Variants in EFCAB13 observed in about 807,000 individuals in gnomAD.
The protein encoded by EFCAB13 is EF-hand calcium-binding domain-containing protein 13.
EFCAB13 carries 91 observed loss-of-function variants against 110.2 expected under a neutral mutation model. That is an observed-to-expected ratio of 0.83 (90% CI 0.70 to 0.98). The LOEUF (loss-of-function observed/expected upper bound fraction) is 0.98, where lower values mean the gene tolerates loss of function less well. Among genes scored for constraint, EFCAB13 ranks in the 50% least tolerant of loss-of-function variants. EFCAB13 has a pLI of 0.00. For synonymous variants in EFCAB13, 323 were observed against 369.9 expected, an observed-to-expected ratio of 0.87 and a Z score of 1.45; for missense variants, 968 against 1,119.4, an observed-to-expected ratio of 0.86 and a Z score of 1.93.
At chr17:47,439,585 A>C (rs1037310726) in intron 24 of EFCAB13, among the ~76,000 whole-genome samples, 3 of 151,992 alleles carry the variant, frequency 2.0e-5, no homozygotes, top group African/African-American at 7.3e-5. Flanking sequence ...TCTTAGTTAC[A>C]CTGTAGGCAT....
At position 47,324,531 on chromosome 17, in the gene EFCAB13, C is replaced by T. The variant is rs1397474833; in HGVS notation, c.-248+8C>T. 6.6e-6 allele frequency: 1 copy of T among 152,152 alleles called. No individual in the cohort carries two copies. Among genetic ancestry groups the T allele is most frequent in the Non-Finnish European group, 1.5e-5 (1 of 68,036 alleles). 9.4% of individuals were successfully genotyped at this position (152,152 alleles called of 1,614,324 possible). A position where few individuals can be genotyped will look rare whatever the true frequency, so the allele number is the denominator to read the frequency against. On this transcript the variant is annotated splice_region_variant and intron_variant, in intron 2 of 24. Transcript: ENST00000331493. ...TTCTTGGAAGAGGTGGAGGTTCGTTCACTCGACGTTTGTTACACAAATATG... is the reference window on the plus strand; with the variant it reads ...TTCTTGGAAGAGGTGGAGGTTCGTTTACTCGACGTTTGTTACACAAATATG...
At chr17:47,375,393 T>C (rs2065609373) in intron 12 of EFCAB13, among the ~76,000 whole-genome samples, 2 of 152,072 alleles carry the variant, frequency 1.3e-5, no homozygotes, top group South Asian at 2.1e-4. Context: ...TGTGTTCAAG[T>C]GATCCTCCCA....
chr17:47,426,675 C>G (rs1032952694), intron 23 of EFCAB13, among the ~76,000 whole-genome samples: 1 of 152,090 alleles, frequency 6.6e-6, no homozygotes, highest in Non-Finnish European at 1.5e-5. Context: ...TAAAAATAAA[C>G]TTCCCTTTTA....
intron 3 of EFCAB13, among the ~76,000 whole-genome samples, chr17:47,327,747 G>C (rs190692220): frequency 6.6e-6 from 1 of 152,056 alleles, no homozygotes; most frequent in East Asian, 1.9e-4. Context: ...GAACCACTGC[G>C]CCCGGCCTAC....
At chr17:47,371,197 T>C (rs1370295089) in intron 11 of EFCAB13, among the ~76,000 whole-genome samples, 1 of 152,090 alleles carries the variant, frequency 6.6e-6, no homozygotes, top group Non-Finnish European at 1.5e-5. Flanking sequence ...CAATCTGTTA[T>C]TTCTTTGGCT....
chr17:47,351,224 C>T (rs1032093372), intron 9 of EFCAB13, among the ~76,000 whole-genome samples: 1 of 151,046 alleles, frequency 6.6e-6, no homozygotes, highest in Non-Finnish European at 1.5e-5. Context: ...TAGTTTCATC[C>T]ATGTTGCTGT....
At chr17:47,416,373 C>T (rs1904445097) in intron 23 of EFCAB13, among the ~76,000 whole-genome samples, 1 of 152,092 alleles carries the variant, frequency 6.6e-6, no homozygotes, top group Non-Finnish European at 1.5e-5. Context: ...TAGATGTAAT[C>T]ATATTGTATT....
At chr17:47,372,211 T>C (rs1033358621) in intron 11 of EFCAB13, among the ~76,000 whole-genome samples, 2 of 152,176 alleles carry the variant, frequency 1.3e-5, no homozygotes, top group Admixed American at 6.5e-5. Flanking sequence ...TCTGTTGATT[T>C]TTTTTTACTT....
rs2065342448 is a variant in EFCAB13 at position 47,335,218 on chromosome 17, T to G, written c.53T>G (p.Leu18Ter). 3 of 1,606,404 alleles carry G rather than the reference T, an allele frequency of 1.9e-6. No homozygotes were observed. The highest frequency in any genetic ancestry group is 2.5e-6 in the Non-Finnish European group (3 of 1,177,874). Residue 18 changes from leucine (L) to a stop codon, truncating the protein, a stop_gained, in exon 5 of 25, where the codon TTA becomes TGA. Transcript: ENST00000331493. LOFTEE classifies it high-confidence loss of function. ...CAGGCAGAGGAAAATATTGACTTAT[T>G]AGATGATGGCTCTAATTCTTTTGCA... Reference protein sequence around the residue: ...FCQAEENIDLLDDGSNSFATD... With the variant: ...FCQAEENIDL
intron 11 of EFCAB13, among the ~76,000 whole-genome samples, chr17:47,372,087 A>G (rs775885146): frequency 1.3e-4 from 20 of 152,170 alleles, no homozygotes; most frequent in Non-Finnish European, 5.9e-5. Flanking sequence ...ATTTACATTC[A>G]AGGTAGTTAT....
At chr17:47,423,276 T>A (rs1229612137) in intron 23 of EFCAB13, 2 of 152,174 alleles carry the variant, frequency 1.3e-5, no homozygotes, top group South Asian at 2.1e-4. Context: ...TTGGAGAAAA[T>A]ACACAATAAT....
chr17:47,345,200 A>G (rs1332515113), intron 8 of EFCAB13, 102 bp downstream of exon 8: 10 of 779,876 alleles, frequency 1.3e-5, no homozygotes, highest in Non-Finnish European at 2.1e-5. Flanking sequence ...CTAATGGCTT[A>G]TGGTATCAAC....
Position 47,377,650 on chromosome 17 carries a change from A to G in EFCAB13, c.1373-116A>G, listed in dbSNP as rs1037431447. On this transcript the variant is annotated intron_variant, in intron 12 of 24. Transcript: ENST00000331493. The stretch of plus-strand genomic sequence containing the variant: ...AGAGAAAAGCAGTCTTATAAAATCT[A>G]TAAGGTAATATAAAATAGATAAAAC... The G allele has an allele frequency of 1.8e-5, 15 of 818,866 alleles. No individual in the cohort carries two copies. The African/African-American group carries it at 2.0e-4, about 11-fold the overall frequency. 50.7% of individuals were successfully genotyped at this position (818,866 alleles called of 1,614,324 possible). A position where few individuals can be genotyped will look rare whatever the true frequency, so the allele number is the denominator to read the frequency against.
intron 10 of EFCAB13, among the ~76,000 whole-genome samples, chr17:47,362,863 C>G (rs1044183646): frequency 1.3e-5 from 2 of 152,286 alleles, no homozygotes; most frequent in South Asian, 2.1e-4. Context: ...GGCTCACACT[C>G]CTTACCCTGC....
At chr17:47,334,509 T>A (rs1406574174) in intron 4 of EFCAB13, among the ~76,000 whole-genome samples, 3 of 152,246 alleles carry the variant, frequency 2.0e-5, no homozygotes, top group South Asian at 2.1e-4. Flanking sequence ...TTAGTTTGTA[T>A]CTAAAATCGA....
At chr17:47,356,351 G>T (rs1484614686) in intron 9 of EFCAB13, among the ~76,000 whole-genome samples, 1 of 152,140 alleles carries the variant, frequency 6.6e-6, no homozygotes, top group Non-Finnish European at 1.5e-5. Context: ...GGGACTCAAG[G>T]GCTGCTGTTC....
intron 4 of EFCAB13, among the ~76,000 whole-genome samples, chr17:47,333,220 G>T (rs1280833608): frequency 6.6e-6 from 1 of 152,088 alleles, no homozygotes; most frequent in African/African-American, 2.4e-5. Flanking sequence ...CAAACCTATA[G>T]GCCATTCGTA....
chr17:47,420,288 G>C (rs1223880488), intron 23 of EFCAB13, among the ~76,000 whole-genome samples: 2 of 68,460 alleles, frequency 2.9e-5, no homozygotes, highest in African/African-American at 5.0e-5. Context: ...GCGTGATCTC[G>C]GCTCGCTACA....
chr17:47,348,583 G>A (rs535593920), intron 9 of EFCAB13, among the ~76,000 whole-genome samples: 1 of 151,050 alleles, frequency 6.6e-6, no homozygotes, highest in South Asian at 2.1e-4. Context: ...TGCTTTTTTT[G>A]TATGCTCTTG....
Sources: gnomAD v4.1 joint callset for allele counts (sites outside exome capture counted in the v4.1 genomes callset) on GRCh38, gnomAD v4.1.1 for gene constraint, MANE v1.5 for transcripts, NCBI Gene and HGNC (gene_info 2026-07-23, HGNC 2026-07-21) for gene names.